The following TBL1X variants were observed in gnomAD, a reference collection of about 807,000 sequenced individuals.
TBL1X encodes the protein transducin beta like 1 X-linked.
A neutral mutation model predicts 50.7 loss-of-function variants in TBL1X; 10 were observed. That is an observed-to-expected ratio of 0.20 (90% CI 0.12 to 0.33). The LOEUF (loss-of-function observed/expected upper bound fraction) is 0.33. TBL1X is among the 10% of genes least tolerant of loss of function. TBL1X has a pLI of 1.00. For missense variants in TBL1X, 340 were observed against 504.4 expected (o/e 0.67, Z 3.12); for synonymous variants, 190 against 214.7 (o/e 0.88, Z 1.01).
chrX:9,495,277 G>T (rs1263083397), intron 1 of TBL1X, among the ~76,000 whole-genome samples: 2 of 111,703 alleles, frequency 1.8e-5, no homozygotes, highest in African/African-American at 6.5e-5. Flanking sequence ...TAGAGAAGAG[G>T]CAGGAATTGT....
chrX:9,708,333 C>G (rs2083222583), intron 13 of TBL1X, among the ~76,000 whole-genome samples: 1 of 112,386 alleles, frequency 8.9e-6, no homozygotes, highest in Non-Finnish European at 1.9e-5. Flanking sequence ...ATCACGAGCC[C>G]CCAGCCAGGA....
chrX:9,474,613 A>T (rs2081838055), intron 1 of TBL1X, among the ~76,000 whole-genome samples: 1 of 113,278 alleles, frequency 8.8e-6, no homozygotes, highest in South Asian at 3.5e-4. Flanking sequence ...GAACTAGATG[A>T]CAGTACCTGT....
chrX:9,535,477 C>G (rs1270696236), intron 2 of TBL1X, among the ~76,000 whole-genome samples: 1 of 112,193 alleles, frequency 8.9e-6, no homozygotes, highest in Non-Finnish European at 1.9e-5. Context: ...GGCCTGAGGT[C>G]TCCCCTGCAT....
At chrX:9,675,136 A>T (rs2082985588) in intron 5 of TBL1X, among the ~76,000 whole-genome samples, 3 of 112,401 alleles carry the variant, frequency 2.7e-5, no homozygotes, top group Non-Finnish European at 5.6e-5. Context: ...TGAATGCAGC[A>T]GTTGTCACCT....
rs5978328 is a variant in TBL1X at position 9,536,812 on chromosome X, C to T, written c.-131+34963C>T. Among the ~76,000 whole-genome samples, 396 of 111,343 alleles carry T rather than the reference C, an allele frequency of 3.6e-3. 2 individuals carry two copies. Among genetic ancestry groups the T allele is most frequent in the African/African-American group, 0.012 (382 of 30,575 alleles). ...GGAGCTGGGCTGCAGAGTGAAATTA[C>T]CCGGAGGTCAAATATTGCTAATTTG... On this transcript the variant is annotated intron_variant, in intron 2 of 17. Transcript: ENST00000645353.
intron 2 of TBL1X, among the ~76,000 whole-genome samples, chrX:9,599,887 C>T (rs1399743509): frequency 2.7e-5 from 3 of 111,894 alleles, no homozygotes; most frequent in South Asian, 3.7e-4. Context: ...TTTTGGGGAG[C>T]GTCTTTATGA....
chrX:9,661,437 A>C (rs957417279), intron 5 of TBL1X, among the ~76,000 whole-genome samples: 1 of 111,338 alleles, frequency 9.0e-6, no homozygotes, highest in Non-Finnish European at 1.9e-5. Flanking sequence ...AGGCGGGAGG[A>C]CTGCCTGAGC....
In TBL1X at chrX:9,692,189, C is replaced by G. The variant is rs1460848354; in HGVS notation, c.826C>G (p.His276Asp). Residue 276 changes from histidine to aspartate, a missense_variant, in exon 9 of 18, where the codon CAC (histidine) becomes GAC (aspartate). Transcript: ENST00000645353. ...NGGSTQLVLR[H>D]CIREGGHDVP... is the part of the protein sequence containing the mutation. ...GGGCTCCACCCAGCTCGTGTTGAGGCACTGTATACGAGAGGGGGGCCATGA... is the reference window on the plus strand; with the variant it reads ...GGGCTCCACCCAGCTCGTGTTGAGGGACTGTATACGAGAGGGGGGCCATGA... The G allele has an allele frequency of 8.3e-7, 1 of 1,209,707 alleles. No homozygotes were observed. Among genetic ancestry groups the G allele is most frequent in the Admixed American group, 2.2e-5 (1 of 45,687 alleles).
chrX:9,688,139 TGCGGCGGCG>T lies in TBL1X; in HGVS notation c.489_497del (p.Ala166_Ala168del), dbSNP rs748109795. 81 of 1,201,694 alleles carry T rather than the reference TGCGGCGGCG, an allele frequency of 6.7e-5. No homozygotes were observed. The highest frequency in any genetic ancestry group is 6.6e-5 in the Non-Finnish European group (59 of 891,102). ...AGAAGCTCGCTCAGCAGCAAGCCAG[TGCGGCGGCG>T]GCGGCGGCTGCGGCCACGGCAGCAG... On this transcript the variant is annotated inframe_deletion, in exon 7 of 18. Transcript: ENST00000645353.
intron 9 of TBL1X, 148 bp downstream of exon 9, chrX:9,692,402 GTTCTTGGC>G: frequency 1.4e-6 from 1 of 718,395 alleles, no homozygotes; most frequent in Non-Finnish European, 1.9e-6. Context: ...CCAGAGAGGT[GTTCTTGGC>G]TTCTTTTTTT....
chrX:9,711,205 G>A (rs189198731), intron 15 of TBL1X, among the ~76,000 whole-genome samples: 45 of 109,150 alleles, frequency 4.1e-4, no homozygotes, highest in Admixed American at 2.7e-3. Context: ...AAAATTAGCC[G>A]GGTGTGGACC....
At chrX:9,478,129 C>T (rs1377254195) in intron 1 of TBL1X, among the ~76,000 whole-genome samples, 1 of 111,752 alleles carries the variant, frequency 8.9e-6, no homozygotes, top group East Asian at 2.8e-4. Context: ...ATGTGAAACT[C>T]TGTAGGAAGT....
At chrX:9,587,603 C>T (rs567303918) in intron 2 of TBL1X, among the ~76,000 whole-genome samples, 3 of 111,658 alleles carry the variant, frequency 2.7e-5, no homozygotes, top group African/African-American at 9.8e-5. Context: ...ACACCACAGA[C>T]ATCAAGATAA....
chrX:9,479,534 CAT>C (rs2081868092), intron 1 of TBL1X, among the ~76,000 whole-genome samples: 1 of 112,590 alleles, frequency 8.9e-6, no homozygotes, highest in African/African-American at 3.2e-5. Flanking sequence ...TTTTACATCA[CAT>C]GACTCTGATC....
intron 12 of TBL1X, among the ~76,000 whole-genome samples, chrX:9,703,383 T>G (rs1286900326): frequency 1.8e-5 from 2 of 111,363 alleles, no homozygotes; most frequent in Non-Finnish European, 3.8e-5. Flanking sequence ...CATGGCCTTT[T>G]CTGCTGCTCA....
chrX:9,520,054 C>T (rs1055792400), intron 2 of TBL1X, among the ~76,000 whole-genome samples: 6 of 112,183 alleles, frequency 5.3e-5, no homozygotes, highest in East Asian at 2.8e-4. Context: ...TTCTGGCAGT[C>T]GGAGTTGTGG....
chrX:9,570,523 G>A (rs767313059), intron 2 of TBL1X, among the ~76,000 whole-genome samples: 17 of 111,483 alleles, frequency 1.5e-4, no homozygotes, highest in Non-Finnish European at 3.2e-4. Context: ...TTATAAAATG[G>A]CCTCAAAGGA....
chrX:9,545,159 A>G (rs1179758442), intron 2 of TBL1X, among the ~76,000 whole-genome samples: 1 of 109,275 alleles, frequency 9.2e-6, no homozygotes, highest in Non-Finnish European at 1.9e-5. Flanking sequence ...GGTACCCGCC[A>G]CCACGCCCAG....
At chrX:9,583,119 A>G (rs1397305816) in intron 2 of TBL1X, among the ~76,000 whole-genome samples, 1 of 112,607 alleles carries the variant, frequency 8.9e-6, no homozygotes, top group Admixed American at 9.4e-5. Flanking sequence ...ATTGTTGAGG[A>G]GGTCAGCAGG....
Sources: gnomAD v4.1 joint callset for allele counts (sites outside exome capture counted in the v4.1 genomes callset) on GRCh38, gnomAD v4.1.1 for gene constraint, MANE v1.5 for transcripts, NCBI Gene and HGNC (gene_info 2026-07-23, HGNC 2026-07-21) for gene names.